SMC6: variants seen among roughly 807,000 people sequenced by gnomAD.
SMC6 encodes the protein structural maintenance of chromosomes protein 6.
SMC6 carries 79 observed loss-of-function variants against 142.2 expected under a neutral mutation model. The ratio of observed to expected loss-of-function variants is 0.56; its 90% CI spans 0.46 to 0.67. SMC6 has a LOEUF of 0.67. SMC6 is among the 30% of genes least tolerant of loss of function. The probability of loss-of-function intolerance (pLI) is 0.00; values close to 1 mark genes in which losing one functional copy is unlikely to be tolerated. For synonymous variants in SMC6, 411 were observed against 412.4 expected (o/e 1.00, Z 0.04); for missense variants, 1,072 against 1,284.0 (o/e 0.83, Z 2.52).
rs1235729531 is a variant in SMC6, at chr2:17,683,652, A to C, written c.2790T>G (p.Tyr930Ter). The change falls in exon 24 of 28, where the codon TAT becomes TAG. Residue 930 changes from tyrosine to a stop codon, truncating the protein, a stop_gained. Transcript: ENST00000448223. LOFTEE classifies it high-confidence loss of function. ...GEIMEHRFKTYQQFRRCLTLR... is the reference protein window; with the variant it reads ...GEIMEHRFKT ...AATGTACTTACCTTCTAAATTGTTGATATGTCTTGAATCTGTGCTCCATGA... is the reference window on the plus strand; with the variant it reads ...AATGTACTTACCTTCTAAATTGTTGCTATGTCTTGAATCTGTGCTCCATGA... The C allele has an allele frequency of 6.2e-7, 1 of 1,610,794 alleles. No homozygotes were observed. Among genetic ancestry groups the C allele is most frequent in the Non-Finnish European group, 8.5e-7 (1 of 1,177,880 alleles).
chr2:17,713,943 A>C (rs1336925044), intron 16 of SMC6, among the ~76,000 whole-genome samples: 3 of 152,238 alleles, frequency 2.0e-5, no homozygotes, highest in Non-Finnish European at 4.4e-5. Context: ...ACATGAGTTA[A>C]TTACACACAC....
At chr2:17,713,165 TA>T (rs775298609) in intron 16 of SMC6, among the ~76,000 whole-genome samples, 12 of 152,290 alleles carry the variant, frequency 7.9e-5, no homozygotes, top group Admixed American at 2.0e-4. Context: ...CTACCCACTC[TA>T]AAAAACTCTA....
intron 25 of SMC6, among the ~76,000 whole-genome samples, chr2:17,677,027 T>C (rs1204068245): frequency 6.6e-6 from 1 of 151,900 alleles, no homozygotes; most frequent in Non-Finnish European, 1.5e-5. Flanking sequence ...CCAATATACA[T>C]GCCTTTAGTT....
rs1379539891 is a variant in SMC6 at position 17,672,518 on chromosome 2, C to G, written c.2911-1943G>C. Among the ~76,000 whole-genome samples the G allele has an allele frequency of 2.6e-5, 4 of 152,048 alleles. No homozygotes were observed. In the East Asian group the frequency reaches 7.7e-4, roughly 29 times the overall value. The stretch of plus-strand genomic sequence containing the variant: ...TGAATACATACACACACCTGGGTAA[C>G]CACTACTGAGATCAAGACACAAGAA... On this transcript the variant is annotated intron_variant, in intron 25 of 27. Coordinates refer to ENST00000448223, the MANE Select transcript of SMC6 (RefSeq NM_001142286.2).
At chr2:17,697,911 G>A (rs936370831) in intron 21 of SMC6, among the ~76,000 whole-genome samples, 2 of 152,028 alleles carry the variant, frequency 1.3e-5, no homozygotes, top group African/African-American at 4.8e-5. Context: ...GCACCCAAAT[G>A]TCCATCAATT....
Position 17,668,109 on chromosome 2 carries a change from T to C in SMC6, c.3064-1592A>G, listed in dbSNP as rs372871721. ...GGATACATTCTTCTGAATAATTTCATTGGGGCAAAGTGCCACTCTGATTAA... is the reference window on the plus strand; with the variant it reads ...GGATACATTCTTCTGAATAATTTCACTGGGGCAAAGTGCCACTCTGATTAA... On this transcript the variant is annotated intron_variant, in intron 26 of 27. Transcript: ENST00000448223. 1.3e-3 allele frequency among the ~76,000 whole-genome samples: 196 copies of C among 152,328 alleles called. 2 individuals carry two copies. The highest frequency in any genetic ancestry group is 7.2e-3 in the South Asian group (35 of 4,828).
chr2:17,720,631 T>C (rs143334679), intron 11 of SMC6, among the ~76,000 whole-genome samples: 2 of 152,348 alleles, frequency 1.3e-5, no homozygotes, highest in African/African-American at 4.8e-5. Context: ...AACTCCTTAA[T>C]GAACCAAAGA....
chr2:17,738,000 G>T (rs13411916), intron 5 of SMC6, among the ~76,000 whole-genome samples: 6,165 of 152,232 alleles, frequency 0.04, 370 homozygotes, highest in African/African-American at 0.13. Context: ...GCCAGGCACA[G>T]GGCAATAGGT....
intron 18 of SMC6, among the ~76,000 whole-genome samples, chr2:17,705,147 TC>T (rs914736447): frequency 4.2e-4 from 64 of 151,490 alleles, no homozygotes; most frequent in African/African-American, 1.4e-3. Context: ...AGTCCCAGCT[TC>T]TCGGGAGGCT....
intron 25 of SMC6, among the ~76,000 whole-genome samples, chr2:17,675,791 CTT>C (rs1223032695): frequency 6.6e-6 from 1 of 152,044 alleles, no homozygotes; most frequent in Non-Finnish European, 1.5e-5. Flanking sequence ...AAGGTTACCT[CTT>C]TGTTTTTGGT....
intron 24 of SMC6, chr2:17,680,867 A>C (rs1254599533): frequency 6.6e-6 from 1 of 152,180 alleles, no homozygotes; most frequent in Admixed American, 6.5e-5. Context: ...ACATTGGCTT[A>C]AACTTAAAGT....
rs763959426 is a variant in SMC6, at chr2:17,716,827, A to T, written c.1260T>A (p.Phe420Leu). Reference sequence around the variant, plus strand: ...GATTGACTGAATTTTCTTGATTTTGAAAGGCCTTTACTCTCTCTTTTAACC... The same window carrying T: ...GATTGACTGAATTTTCTTGATTTTGTAAGGCCTTTACTCTCTCTTTTAACC... ...ISWLKERVKAFQNQENSVNQE... is the reference protein window; with the variant it reads ...ISWLKERVKALQNQENSVNQE... Residue 420 changes from phenylalanine (F) to leucine (L), a missense_variant, in exon 14 of 28, where the codon TTT (phenylalanine) becomes TTA (leucine). Coordinates refer to ENST00000448223, the MANE Select transcript of SMC6 (RefSeq NM_001142286.2). 1 of 1,613,312 alleles carries T rather than the reference A, an allele frequency of 6.2e-7. No individual in the cohort carries two copies. The highest frequency in any genetic ancestry group is 8.5e-7 in the Non-Finnish European group (1 of 1,179,728).
At chr2:17,692,049 TAA>T (rs1399276200) in intron 23 of SMC6, among the ~76,000 whole-genome samples, 7 of 152,004 alleles carry the variant, frequency 4.6e-5, no homozygotes, top group Non-Finnish European at 1.0e-4. Context: ...CTCAATGAAA[TAA>T]AAGAGGATAC....
intron 4 of SMC6, chr2:17,740,818 C>G: frequency 3.1e-6 from 1 of 321,758 alleles, no homozygotes; most frequent in Non-Finnish European, 6.2e-6. Flanking sequence ...CCACTGCACT[C>G]CAACCTGGGC....
chr2:17,727,533 A>T (rs960517447), intron 7 of SMC6, among the ~76,000 whole-genome samples: 1 of 152,008 alleles, frequency 6.6e-6, no homozygotes, highest in African/African-American at 2.4e-5. Flanking sequence ...ATATACACAC[A>T]CACACATATA....
rs754136167 is a variant in SMC6 at position 17,745,806 on chromosome 2, ATTTTGTAAT to A, written c.120+12_120+20del. On this transcript the variant is annotated intron_variant, in intron 3 of 27. Transcript: ENST00000448223. ...CAAGAAAAACATATCAAAAAGCATA[ATTTTGTAAT>A]TTTTCGCTTACCAAAGTAGTACCTT... 1.3e-5 allele frequency: 20 copies of A among 1,581,260 alleles called. No homozygotes were observed. The East Asian group carries it at 3.4e-4, about 27-fold the overall frequency.
intron 9 of SMC6, among the ~76,000 whole-genome samples, chr2:17,724,401 T>C (rs954427506): frequency 2.6e-5 from 4 of 152,212 alleles, no homozygotes; most frequent in Non-Finnish European, 5.9e-5. Context: ...AAAAGGTCAG[T>C]ATAACATAAT....
In SMC6 at chr2:17,716,229, T is replaced by G. The variant is rs1303046068; in HGVS notation, c.1382A>C (p.Tyr461Ser). The change falls in exon 15 of 28, where the codon TAC becomes TCC. Residue 461 changes from tyrosine to serine, a missense_variant. Physicochemically the swap from Tyr to Ser is moderately radical, Grantham distance 144. Coordinates refer to ENST00000448223, the MANE Select transcript of SMC6 (RefSeq NM_001142286.2). ...EELDVKHALS[Y>S]NQRQLKELKD... ...CAATTCTTTCAGTTGCCTCTGATTGTAGCTCAGTGCATGCTTCACATCTAA... is the reference window on the plus strand; with the variant it reads ...CAATTCTTTCAGTTGCCTCTGATTGGAGCTCAGTGCATGCTTCACATCTAA... The G allele has an allele frequency of 6.8e-6, 11 of 1,612,144 alleles. No individual in the cohort carries two copies. Among genetic ancestry groups the G allele is most frequent in the Non-Finnish European group, 8.5e-6 (10 of 1,179,444 alleles).
intron 18 of SMC6, 31 bp downstream of exon 18, chr2:17,707,188 A>T (rs1668550461): frequency 6.8e-7 from 1 of 1,467,020 alleles, no homozygotes; most frequent in African/African-American, 1.4e-5. Context: ...AGCAGTGGGA[A>T]TGATACAGTA....
Sources: allele counts gnomAD v4.1 joint callset (sites outside exome capture counted in the v4.1 genomes callset), GRCh38; gene constraint gnomAD v4.1.1; transcripts MANE v1.5; gene names NCBI Gene and HGNC (gene_info 2026-07-23, HGNC 2026-07-21).